The following GRM1 variants were observed in gnomAD, a reference collection of about 807,000 sequenced individuals.
The protein encoded by GRM1 is metabotropic glutamate receptor 1.
GRM1 carries 33 observed loss-of-function variants against 90.9 expected under a neutral mutation model. The ratio of observed to expected loss-of-function variants is 0.36; its 90% CI spans 0.28 to 0.49. The LOEUF (loss-of-function observed/expected upper bound fraction) is 0.49. GRM1 is among the 20% of genes least tolerant of loss of function. The pLI, the probability that GRM1 is intolerant of heterozygous loss-of-function variation, is 0.99. For missense variants in GRM1, 1,190 were observed against 1,534.3 expected, an observed-to-expected ratio of 0.78 and a Z score of 3.75; for synonymous variants, 700 against 613.2, an observed-to-expected ratio of 1.14 and a Z score of -2.09.
At chr6:146,333,517 A>G (rs764936946) in intron 3 of GRM1, among the ~76,000 whole-genome samples, 1 of 152,210 alleles carries the variant, frequency 6.6e-6, no homozygotes, top group Non-Finnish European at 1.5e-5. Context: ...CACTGCTAAT[A>G]TAATTTCTAC....
chr6:146,247,802 G>A (rs1032639200), intron 2 of GRM1, among the ~76,000 whole-genome samples: 30 of 130,938 alleles, frequency 2.3e-4, no homozygotes, highest in African/African-American at 5.8e-4. Flanking sequence ...GTGTGTGTGT[G>A]TGTATATATA....
intron 1 of GRM1, among the ~76,000 whole-genome samples, chr6:146,121,785 TG>T (rs1775998423): frequency 6.6e-6 from 1 of 152,246 alleles, no homozygotes; most frequent in South Asian, 2.1e-4. Flanking sequence ...GATTGCACTG[TG>T]GTCTGAGAGA....
chr6:146,386,856 T>A (rs757915530), intron 5 of GRM1, 34 bp from the exon 6 acceptor site: 1 of 1,573,774 alleles, frequency 6.4e-7, no homozygotes, highest in South Asian at 1.1e-5. Context: ...CTGGGAAAAC[T>A]ATCTTTAAAA....
At chr6:146,184,050 C>G (rs1031225027) in intron 2 of GRM1, among the ~76,000 whole-genome samples, 1 of 152,090 alleles carries the variant, frequency 6.6e-6, no homozygotes, top group Non-Finnish European at 1.5e-5. Context: ...TGGAACACTG[C>G]TGGATTTAGC....
intron 1 of GRM1, 54 bp from the exon 2 acceptor site, chr6:146,159,294 A>C (rs1168575260): frequency 1.2e-6 from 2 of 1,608,228 alleles, no homozygotes; most frequent in Non-Finnish European, 1.7e-6. Flanking sequence ...TCCATTGTGT[A>C]AGTAGTGTTA....
At chr6:146,315,700 A>C (rs909479346) in intron 3 of GRM1, among the ~76,000 whole-genome samples, 1 of 152,222 alleles carries the variant, frequency 6.6e-6, no homozygotes, top group African/African-American at 2.4e-5. Flanking sequence ...GAAGAAATTC[A>C]TACTTAAAAT....
intron 2 of GRM1, among the ~76,000 whole-genome samples, chr6:146,218,908 C>G (rs1004392809): frequency 1.3e-5 from 2 of 152,136 alleles, no homozygotes; most frequent in African/African-American, 4.8e-5. Context: ...GGCTGCACCA[C>G]CATTAAATCT....
Position 146,111,496 on chromosome 6 carries a change from A to G in GRM1, c.701-47852A>G, listed in dbSNP as rs145411719. ...ATGATTTTAAAAATAAAAACAGTTG[A>G]TAACATAGTCACAGCAGAAAGAATC... On this transcript the variant is annotated intron_variant, in intron 1 of 7. Transcript: ENST00000282753. 8.0e-5 allele frequency among the ~76,000 whole-genome samples: 12 copies of G among 149,958 alleles called. No individual in the cohort carries two copies. The Admixed American group carries it at 8.0e-4, about 10-fold the overall frequency.
intron 2 of GRM1, among the ~76,000 whole-genome samples, chr6:146,272,757 T>A (rs1782215016): frequency 6.6e-6 from 1 of 152,160 alleles, no homozygotes; most frequent in Admixed American, 6.5e-5. Flanking sequence ...GAATAGATAA[T>A]TTTTTTAAGG....
intron 2 of GRM1, among the ~76,000 whole-genome samples, chr6:146,173,722 A>G (rs1009446834): frequency 1.3e-5 from 2 of 149,318 alleles, no homozygotes; most frequent in East Asian, 2.0e-4. Flanking sequence ...GCTGGAGTGC[A>G]ATGGCATGAT....
At chr6:146,284,569 G>A (rs924672963) in intron 2 of GRM1, among the ~76,000 whole-genome samples, 6 of 152,150 alleles carry the variant, frequency 3.9e-5, no homozygotes, top group Non-Finnish European at 7.4e-5. Context: ...ATGTGTTGAG[G>A]GAGGGACCTG....
intron 1 of GRM1, among the ~76,000 whole-genome samples, chr6:146,096,974 C>T (rs533187058): frequency 6.6e-6 from 1 of 151,894 alleles, no homozygotes; most frequent in African/African-American, 2.4e-5. Context: ...TTATGTTCTA[C>T]TATGCCAGGG....
At chr6:146,151,649 AT>A (rs1777340666) in intron 1 of GRM1, among the ~76,000 whole-genome samples, 1 of 152,092 alleles carries the variant, frequency 6.6e-6, no homozygotes, top group Non-Finnish European at 1.5e-5. Context: ...ATACATTTCC[AT>A]TTTTCCAGTT....
intron 2 of GRM1, among the ~76,000 whole-genome samples, chr6:146,232,424 T>C (rs1414137174): frequency 6.6e-6 from 1 of 152,084 alleles, no homozygotes; most frequent in African/African-American, 2.4e-5. Context: ...ATGCATATAT[T>C]TATATGGTAC....
At chr6:146,193,135 A>C (rs1314211397) in intron 2 of GRM1, among the ~76,000 whole-genome samples, 1 of 152,142 alleles carries the variant, frequency 6.6e-6, no homozygotes, top group Non-Finnish European at 1.5e-5. Flanking sequence ...GAGAAAGATA[A>C]ATTTTGAGTA....
chr6:146,111,231 T>TG (rs1443133196), intron 1 of GRM1, among the ~76,000 whole-genome samples: 3 of 152,162 alleles, frequency 2.0e-5, no homozygotes, highest in Admixed American at 6.5e-5. Context: ...TAAGATTTTA[T>TG]GGGGAAAAAA....
At chr6:146,209,556 GA>G (rs1261312668) in intron 2 of GRM1, among the ~76,000 whole-genome samples, 5 of 151,322 alleles carry the variant, frequency 3.3e-5, no homozygotes, top group East Asian at 3.9e-4. Context: ...TAGGGTTTCA[GA>G]AAAAAAAATT....
intron 2 of GRM1, among the ~76,000 whole-genome samples, chr6:146,207,236 A>C (rs1054320288): frequency 6.6e-6 from 1 of 152,172 alleles, no homozygotes; most frequent in African/African-American, 2.4e-5. Flanking sequence ...AATTCACCAT[A>C]CTGCTTTCTA....
In GRM1 at chr6:146,029,535, GT is replaced by G. The variant is rs758809498; in HGVS notation, c.26del (p.Phe9SerfsTer119). Reference sequence around the variant, plus strand: ...TCACCACCATGGTCGGGCTCCTTTTGTTTTTTTTCCCAGCGATCTTTTTGGA... The same window carrying G: ...TCACCACCATGGTCGGGCTCCTTTTGTTTTTTTCCCAGCGATCTTTTTGGA... MVGLLL[F>X]FFPAIFLEVS... On this transcript the variant is annotated frameshift_variant, in exon 1 of 8. Transcript: ENST00000282753. LOFTEE classifies it high-confidence loss of function. The G allele has an allele frequency of 1.2e-6, 2 of 1,613,184 alleles. No individual in the cohort carries two copies. The highest frequency in any genetic ancestry group is 1.7e-6 in the Non-Finnish European group (2 of 1,179,310).
Sources: gnomAD v4.1 joint callset for allele counts (sites outside exome capture counted in the v4.1 genomes callset) on GRCh38, gnomAD v4.1.1 for gene constraint, MANE v1.5 for transcripts, NCBI Gene and HGNC (gene_info 2026-07-23, HGNC 2026-07-21) for gene names.